Variants in GABRG3 observed in about 807,000 individuals in gnomAD.
The protein encoded by GABRG3 is gamma-aminobutyric acid type A receptor subunit gamma3, also known as gamma-aminobutyric acid receptor subunit gamma-3.
In GABRG3, 25 loss-of-function variants were observed where a neutral mutation model predicts 48.8. The ratio of observed to expected loss-of-function variants is 0.51; its 90% CI spans 0.37 to 0.72. The LOEUF is 0.72. Among genes scored for constraint, GABRG3 ranks in the 30% least tolerant of loss-of-function variants. The probability of loss-of-function intolerance (pLI) is 0.00; values close to 1 mark genes in which losing one functional copy is unlikely to be tolerated. For missense variants in GABRG3, 394 were observed against 577.9 expected (o/e 0.68, Z 3.26); for synonymous variants, 227 against 217.6 (o/e 1.04, Z -0.38).
chr15:27,017,979 C>G (rs918985963), intron 2 of GABRG3, among the ~76,000 whole-genome samples: 3 of 152,222 alleles, frequency 2.0e-5, no homozygotes, highest in Non-Finnish European at 4.4e-5. Flanking sequence ...CCCTTCACAT[C>G]TGCTCTGAAC....
At chr15:27,333,190 G>A (rs1456029317) in intron 5 of GABRG3, among the ~76,000 whole-genome samples, 1 of 152,158 alleles carries the variant, frequency 6.6e-6, no homozygotes, top group Non-Finnish European at 1.5e-5. Context: ...ATTGCAAACA[G>A]CATTGGTTGT....
intron 2 of GABRG3, among the ~76,000 whole-genome samples, chr15:26,981,690 C>T (rs1207186262): frequency 6.6e-6 from 1 of 152,128 alleles, no homozygotes; most frequent in African/African-American, 2.4e-5. Context: ...CTTGTGGTGA[C>T]AGTAAGGGGA....
chr15:27,032,259 C>G (rs1896099496), intron 3 of GABRG3, among the ~76,000 whole-genome samples: 1 of 152,140 alleles, frequency 6.6e-6, no homozygotes, highest in Admixed American at 6.6e-5. Flanking sequence ...TGGTGCGATT[C>G]TCCATCTTGC....
At chr15:27,139,962 G>A (rs1898074517) in intron 3 of GABRG3, among the ~76,000 whole-genome samples, 1 of 152,204 alleles carries the variant, frequency 6.6e-6, no homozygotes, top group Non-Finnish European at 1.5e-5. Context: ...AAACCCAAAA[G>A]GATTGGGTTC....
intron 5 of GABRG3, among the ~76,000 whole-genome samples, chr15:27,476,370 T>A (rs1271409344): frequency 1.3e-5 from 2 of 150,450 alleles, no homozygotes; most frequent in Non-Finnish European, 2.9e-5. Flanking sequence ...ACAAACACTT[T>A]AAAAATGTGT....
At chr15:27,322,109 A>G (rs1439019304) in intron 3 of GABRG3, among the ~76,000 whole-genome samples, 1 of 152,186 alleles carries the variant, frequency 6.6e-6, no homozygotes, top group East Asian at 1.9e-4. Context: ...TTTCTTTGCA[A>G]AAAGGAAGGA....
intron 3 of GABRG3, among the ~76,000 whole-genome samples, chr15:27,247,475 C>G (rs1455831355): frequency 6.6e-6 from 1 of 152,058 alleles, no homozygotes; most frequent in Admixed American, 6.6e-5. Flanking sequence ...TTTCTAGATG[C>G]CATCTGATGC....
At chr15:27,404,762 C>T (rs1470556969) in intron 5 of GABRG3, among the ~76,000 whole-genome samples, 1 of 152,202 alleles carries the variant, frequency 6.6e-6, no homozygotes, top group African/African-American at 2.4e-5. Flanking sequence ...TTTGAGACCA[C>T]TGCCCAGCAA....
chr15:26,987,126 C>T (rs531607252), intron 2 of GABRG3, among the ~76,000 whole-genome samples: 106 of 152,272 alleles, frequency 7.0e-4, no homozygotes, highest in African/African-American at 2.4e-3. Flanking sequence ...GGAGTGGTGG[C>T]AGGTGCCTGT....
At chr15:27,291,467 A>T (rs924389025) in intron 3 of GABRG3, among the ~76,000 whole-genome samples, 3 of 152,238 alleles carry the variant, frequency 2.0e-5, no homozygotes, top group Admixed American at 1.3e-4. Flanking sequence ...CATTATAATC[A>T]TTCCCATCTA....
At chr15:27,005,558 C>T (rs1409169603) in intron 2 of GABRG3, among the ~76,000 whole-genome samples, 1 of 152,132 alleles carries the variant, frequency 6.6e-6, no homozygotes, top group East Asian at 1.9e-4. Context: ...TGTGCTCAAG[C>T]CTCTGATCTA....
rs888628003 is a variant in GABRG3 at position 26,985,036 on chromosome 15, T to C, written c.202+7886T>C. ...ACTTCTGTTCCAGGCTTTTCTAAAA[T>C]GTATTTTCCCAGTTCAGTTGAAACT... On this transcript the variant is annotated intron_variant, in intron 2 of 9. Coordinates refer to ENST00000615808, the MANE Select transcript of GABRG3 (RefSeq NM_033223.5). Among the ~76,000 whole-genome samples the C allele has an allele frequency of 5.9e-5, 9 of 152,352 alleles. No individual in the cohort carries two copies. The South Asian group carries it at 6.2e-4, about 11-fold the overall frequency.
At chr15:27,014,495 T>C (rs1895743206) in intron 2 of GABRG3, among the ~76,000 whole-genome samples, 1 of 152,152 alleles carries the variant, frequency 6.6e-6, no homozygotes, top group Admixed American at 6.5e-5. Flanking sequence ...TTGTGTTTTC[T>C]TTATTTGTCT....
At chr15:27,519,670 T>C (rs11636096) in intron 6 of GABRG3, among the ~76,000 whole-genome samples, 96,385 of 151,982 alleles carry the variant, frequency 0.63, 31,960 homozygotes, top group African/African-American at 0.84. Flanking sequence ...AGGACTCAAG[T>C]GATAATAGCT....
chr15:27,253,886 T>G (rs1183209191), intron 3 of GABRG3, among the ~76,000 whole-genome samples: 1 of 152,228 alleles, frequency 6.6e-6, no homozygotes, highest in African/African-American at 2.4e-5. Context: ...CAATTTCACA[T>G]TAAGGAGAGG....
chr15:27,269,214 C>T (rs1891008416), intron 3 of GABRG3, among the ~76,000 whole-genome samples: 1 of 152,190 alleles, frequency 6.6e-6, no homozygotes, highest in South Asian at 2.1e-4. Flanking sequence ...TCACCCAGAA[C>T]TCCTCAGTGG....
In GABRG3 at chr15:27,308,813, CAT is replaced by C. The variant is rs112908824; in HGVS notation, c.271-17992_271-17991del. Among the ~76,000 whole-genome samples, 535 of 149,616 alleles carry C rather than the reference CAT, an allele frequency of 3.6e-3. 3 individuals are homozygous for C. The highest frequency in any genetic ancestry group is 0.011 in the African/African-American group (445 of 41,292). On this transcript the variant is annotated intron_variant, in intron 3 of 9. Transcript: ENST00000615808. ...GTAAACATACGTTTATATAAAAACA[CAT>C]ATAGTGTAAACATACGTTTATATAA...
intron 3 of GABRG3, among the ~76,000 whole-genome samples, chr15:27,083,248 T>C (rs1272917156): frequency 2.0e-5 from 3 of 152,186 alleles, no homozygotes; most frequent in Non-Finnish European, 2.9e-5. Context: ...GATCATTTTT[T>C]TCCTGACTTT....
intron 3 of GABRG3, among the ~76,000 whole-genome samples, chr15:27,190,849 C>T (rs569574102): frequency 6.6e-6 from 1 of 152,180 alleles, no homozygotes; most frequent in African/African-American, 2.4e-5. Flanking sequence ...TTCCTGCTTT[C>T]TCTCGTGGGC....
Sources: gnomAD v4.1 joint callset for allele counts (sites outside exome capture counted in the v4.1 genomes callset) on GRCh38, gnomAD v4.1.1 for gene constraint, MANE v1.5 for transcripts, NCBI Gene and HGNC (gene_info 2026-07-23, HGNC 2026-07-21) for gene names.